CPAMD8: variants seen among roughly 807,000 people sequenced by gnomAD.
CPAMD8 encodes the protein C3 and PZP like alpha-2-macroglobulin domain containing 8.
In CPAMD8, 146 loss-of-function variants were observed where a neutral mutation model predicts 224.7. That is an observed-to-expected ratio of 0.65 (90% CI 0.57 to 0.75). The LOEUF (loss-of-function observed/expected upper bound fraction) is 0.75. Ranked by LOEUF, CPAMD8 falls within the 30% of genes least tolerant of loss-of-function variation. CPAMD8 has a pLI of 0.00. For synonymous variants in CPAMD8, 966 were observed against 1,044.6 expected, an observed-to-expected ratio of 0.92 and a Z score of 1.45; for missense variants, 2,301 against 2,537.5, an observed-to-expected ratio of 0.91 and a Z score of 2.00.
chr19:16,980,428 G>A, intron 14 of CPAMD8, 69 bp downstream of exon 14: 1 of 1,487,720 alleles, frequency 6.7e-7, no homozygotes, highest in Non-Finnish European at 9.2e-7. Flanking sequence ...CCTCCTTGCA[G>A]GAGCACCCAT....
At chr19:16,931,060 G>C (rs1360183468) in intron 23 of CPAMD8, among the ~76,000 whole-genome samples, 1 of 152,148 alleles carries the variant, frequency 6.6e-6, no homozygotes, top group Non-Finnish European at 1.5e-5. Context: ...TGCAGCCAGG[G>C]GCCAAAGCAT....
chr19:16,897,937 C>T lies in CPAMD8; in HGVS notation c.4906G>A (p.Gly1636Ser), dbSNP rs1032037925. Reference sequence around the variant, plus strand: ...GAGACTGGCAGCGCCGACGTCCTGCCCACCACGCACTCCCGGAGAGCACGG... The same window carrying T: ...GAGACTGGCAGCGCCGACGTCCTGCTCACCACGCACTCCCGGAGAGCACGG... ...RFRALRECVV[G>S]RTSALPVSVY... The change falls in exon 38 of 42, where the codon GGC (glycine) becomes AGC (serine). Residue 1636 changes from glycine (G) to serine (S), a missense_variant. By Grantham distance (56) the Gly-to-Ser change is moderately conservative. Around this residue, in one of 4 missense-constraint regions of CPAMD8, gnomAD observed 1,709 missense variants for 1,753.2 expected, o/e 0.97. Transcript: ENST00000443236. 3 of 1,611,236 alleles carry T rather than the reference C, an allele frequency of 1.9e-6. No individual in the cohort carries two copies. The highest frequency in any genetic ancestry group is 2.5e-6 in the Non-Finnish European group (3 of 1,179,426).
Position 16,929,096 on chromosome 19 carries a change from A to T in CPAMD8, c.2990T>A (p.Met997Lys). ...LSSGPQDTAGMIEIVLGGHQN... is the reference protein window; with the variant it reads ...LSSGPQDTAGKIEIVLGGHQN... ...ATGCCCCCCCAGGACGATCTCGATCATGCCTGCTGTGTCCTGGGGCCCAGA... is the reference window on the plus strand; with the variant it reads ...ATGCCCCCCCAGGACGATCTCGATCTTGCCTGCTGTGTCCTGGGGCCCAGA... Residue 997 changes from methionine (M) to lysine (K), a missense_variant, in exon 24 of 42, where the codon ATG (methionine) becomes AAG (lysine). Met to Lys is a moderately conservative substitution (Grantham distance 95). Coordinates refer to ENST00000443236, the MANE Select transcript of CPAMD8 (RefSeq NM_015692.5). The T allele has an allele frequency of 6.2e-7, 1 of 1,614,134 alleles. No individual in the cohort carries two copies. The highest frequency in any genetic ancestry group is 8.5e-7 in the Non-Finnish European group (1 of 1,180,004).
intron 18 of CPAMD8, among the ~76,000 whole-genome samples, chr19:16,968,870 T>C (rs1482136300): frequency 1.3e-5 from 2 of 152,124 alleles, no homozygotes; most frequent in Non-Finnish European, 2.9e-5. Flanking sequence ...ACTCCTAGGC[T>C]CAAGTGATCT....
Position 16,899,380 on chromosome 19 carries a change from G to T in CPAMD8, c.4848+95C>A. 1.4e-6 allele frequency: 1 copy of T among 729,840 alleles called. No homozygotes were observed. The allele number at this position is 729,840 out of a possible 1,614,324, so 45.2% of individuals were successfully genotyped here. A position where few individuals can be genotyped will look rare whatever the true frequency, so the allele number is the denominator to read the frequency against. ...CCCCAGTGTCTTTTTTATGGTACAA[G>T]ATACTTGCAGGGAGCCACACCAGGC... On this transcript the variant is annotated intron_variant, in intron 37 of 41. Transcript: ENST00000443236. The surrounding 1 kb of genome is among the most constrained non-coding windows in gnomAD (Gnocchi z 5.4).
rs2052061990 is a variant in CPAMD8, at chr19:16,897,395, CCA to C, written c.5065+294_5065+295del. ...CTCAACCCATTGCGCCCAGTCCCCACCACAGTGACCACACCCTCACTGGCTCG... is the reference window on the plus strand; with the variant it reads ...CTCAACCCATTGCGCCCAGTCCCCACCAGTGACCACACCCTCACTGGCTCG... On this transcript the variant is annotated intron_variant, in intron 39 of 41. Coordinates refer to ENST00000443236, the MANE Select transcript of CPAMD8 (RefSeq NM_015692.5). 10 of 447,430 alleles carry C rather than the reference CCA, an allele frequency of 2.2e-5. No individual in the cohort carries two copies. In the South Asian group the frequency reaches 3.0e-4, roughly 13 times the overall value. 27.7% of individuals were successfully genotyped at this position (447,430 alleles called of 1,614,324 possible).
At chr19:17,005,268 T>C (rs572998258) in intron 7 of CPAMD8, among the ~76,000 whole-genome samples, 1 of 152,232 alleles carries the variant, frequency 6.6e-6, no homozygotes, top group South Asian at 2.1e-4. Context: ...GCATCTTCCC[T>C]GGCCTCCACT....
chr19:16,967,142 T>C lies in CPAMD8; in HGVS notation c.2213+3749A>G, dbSNP rs573146101. Among the ~76,000 whole-genome samples the C allele has an allele frequency of 1.6e-3, 238 of 152,100 alleles. 1 individual carries two copies. The Middle Eastern group carries it at 0.017, about 11-fold the overall frequency. On this transcript the variant is annotated intron_variant, in intron 18 of 41. Transcript: ENST00000443236. ...AAGAAAATGTGGCACATATACACCA[T>C]GGAATACTATGCAGCCATAAAAAAG...
chr19:16,968,533 T>C (rs2054937647), intron 18 of CPAMD8, among the ~76,000 whole-genome samples: 3 of 152,192 alleles, frequency 2.0e-5, no homozygotes, highest in Admixed American at 2.0e-4. Context: ...TATTTGGCAG[T>C]GAGCAATACT....
chr19:17,018,717 T>TACACACACACACAC (rs367984655), intron 3 of CPAMD8, among the ~76,000 whole-genome samples: 121 of 136,820 alleles, frequency 8.8e-4, no homozygotes, highest in African/African-American at 3.1e-3. Context: ...CTACTAAAAA[T>TACACACACACACAC]ACACACACAC....
intron 3 of CPAMD8, among the ~76,000 whole-genome samples, chr19:17,016,098 C>G (rs1359797690): frequency 6.6e-6 from 1 of 152,154 alleles, no homozygotes; most frequent in Non-Finnish European, 1.5e-5. Flanking sequence ...TGCAGGCCAC[C>G]ATGCCCGGCT....
Position 16,974,363 on chromosome 19 carries a change from C to A in CPAMD8, c.2070+734G>T, listed in dbSNP as rs771727111. 4.1e-4 allele frequency among the ~76,000 whole-genome samples: 62 copies of A among 151,902 alleles called. 1 individual carries two copies. The highest frequency in any genetic ancestry group is 6.6e-4 in the Admixed American group (10 of 15,220). The stretch of plus-strand genomic sequence containing the variant: ...ATCCCAGCGACTAGGGAGGCTGGGG[C>A]ACGAGGATCACCTATGCAGTTCAGA... On this transcript the variant is annotated intron_variant, in intron 17 of 41. Coordinates refer to ENST00000443236, the MANE Select transcript of CPAMD8 (RefSeq NM_015692.5).
intron 9 of CPAMD8, 146 bp downstream of exon 9, chr19:17,002,120 G>A (rs2056344849): frequency 1.6e-6 from 1 of 615,536 alleles, no homozygotes; most frequent in Non-Finnish European, 3.0e-6. Context: ...GCACACCCCA[G>A]GGAGGAGGGA....
rs1254567831 is a variant in CPAMD8, at chr19:17,008,492, G to C, written c.559+13C>G. ...ACATCTGCAGCCCCCAAGCCGCAGA[G>C]GAAGAAACTTACCGCAGCAGAACGG... On this transcript the variant is annotated intron_variant, in intron 7 of 41. Coordinates refer to ENST00000443236, the MANE Select transcript of CPAMD8 (RefSeq NM_015692.5). The C allele has an allele frequency of 6.2e-7, 1 of 1,612,468 alleles. No homozygotes were observed.
At chr19:16,907,619 A>G (rs2144783201) in intron 29 of CPAMD8, 1 of 151,340 alleles carries the variant, frequency 6.6e-6, no homozygotes, top group East Asian at 2.0e-4. Flanking sequence ...AAAAAAAAAA[A>G]AAAATACAGA....
chr19:16,985,852 T>G (rs528869657), intron 13 of CPAMD8, among the ~76,000 whole-genome samples: 1 of 151,866 alleles, frequency 6.6e-6, no homozygotes, highest in East Asian at 1.9e-4. Context: ...GGAGGGTGGA[T>G]GGAGGGATGA....
chr19:16,957,797 A>G, intron 19 of CPAMD8, 56 bp downstream of exon 19: 1 of 1,551,750 alleles, frequency 6.4e-7, no homozygotes, highest in Non-Finnish European at 8.9e-7. Context: ...CTGGACCCGC[A>G]TGAGTGTCTT....
chr19:16,947,666 T>C (rs1338439040), intron 20 of CPAMD8, among the ~76,000 whole-genome samples: 1 of 152,218 alleles, frequency 6.6e-6, no homozygotes, highest in Non-Finnish European at 1.5e-5. Flanking sequence ...CAGCTCTGTG[T>C]GTGCACGTGT....
intron 7 of CPAMD8, among the ~76,000 whole-genome samples, chr19:17,006,009 G>C (rs2056482088): frequency 6.6e-6 from 1 of 151,872 alleles, no homozygotes; most frequent in South Asian, 2.1e-4. Flanking sequence ...CTTTTGCCCA[G>C]GCTGGAGTGC....
Sources: gnomAD v4.1 joint callset for allele counts (sites outside exome capture counted in the v4.1 genomes callset) on GRCh38, gnomAD v4.1.1 for gene constraint, gnomAD v4.1.1 regional missense constraint, Gnocchi (gnomAD v3.1) non-coding constraint, MANE v1.5 for transcripts, NCBI Gene and HGNC (gene_info 2026-07-23, HGNC 2026-07-21) for gene names.